Variants in GRP observed in about 807,000 individuals in gnomAD.
GRP encodes gastrin-releasing peptide.
In GRP, 11 loss-of-function variants were observed where a neutral mutation model predicts 12.7. That is an observed-to-expected ratio of 0.87 (90% CI 0.55 to 1.44). GRP has a LOEUF of 1.44. Ranked by LOEUF, GRP falls within the 40% of genes most tolerant of loss-of-function variation. GRP has a pLI of 0.00. For synonymous variants in GRP, 84 were observed against 77.7 expected (o/e 1.08, Z -0.43); for missense variants, 212 against 185.4 (o/e 1.14, Z -0.83).
At chr18:59,223,907 T>C (rs1416116414) in intron 1 of GRP, among the ~76,000 whole-genome samples, 2 of 152,214 alleles carry the variant, frequency 1.3e-5, no homozygotes, top group African/African-American at 2.4e-5. Context: ...GTTAGGATCC[T>C]GAAATTGTGT....
chr18:59,220,642 C>T (rs2069816954), intron 1 of GRP, among the ~76,000 whole-genome samples: 1 of 152,170 alleles, frequency 6.6e-6, no homozygotes, highest in Non-Finnish European at 1.5e-5. Flanking sequence ...GATCCTTTCC[C>T]GCTCGCTTCC....
rs181338643 is a variant in GRP, at chr18:59,224,110, G to T, written c.140-1382G>T. ...ACCTTATCCTTATTTCCAGATCCCA[G>T]AATGATTTTAGCTACCTTATATTCT... On this transcript the variant is annotated intron_variant, in intron 1 of 2. Transcript: ENST00000256857. Among the ~76,000 whole-genome samples the T allele has an allele frequency of 1.4e-3, 216 of 152,234 alleles. 6 individuals carry two copies. Among genetic ancestry groups the T allele is most frequent in the Non-Finnish European group, 1.1e-3 (74 of 68,026 alleles).
At chr18:59,220,508 G>A in intron 1 of GRP, 104 bp downstream of exon 1, 3 of 1,051,788 alleles carry the variant, frequency 2.9e-6, no homozygotes, top group Non-Finnish European at 3.8e-6. Context: ...GCCCAGCTTT[G>A]GGAGCTGGGT....
intron 2 of GRP, among the ~76,000 whole-genome samples, chr18:59,226,768 C>T (rs2069927967): frequency 6.6e-6 from 1 of 152,172 alleles, no homozygotes; most frequent in Non-Finnish European, 1.5e-5. Flanking sequence ...TATTGCTTTC[C>T]ACTCACAGTA....
At chr18:59,222,519 T>C (rs187135617) in intron 1 of GRP, among the ~76,000 whole-genome samples, 8 of 152,306 alleles carry the variant, frequency 5.3e-5, no homozygotes, top group Admixed American at 2.0e-4. Context: ...TACCTTGCGG[T>C]TGAGAAAACG....
intron 1 of GRP, among the ~76,000 whole-genome samples, chr18:59,223,286 T>C (rs2069864452): frequency 6.6e-6 from 1 of 152,210 alleles, no homozygotes; most frequent in Non-Finnish European, 1.5e-5. Context: ...GGGCGTATCA[T>C]CCATGTTGCC....
chr18:59,230,733 G>C lies in GRP; in HGVS notation c.*265G>C, dbSNP rs2070022190. The C allele has an allele frequency of 2.2e-6, 1 of 450,946 alleles. No homozygotes were observed. Among genetic ancestry groups the C allele is most frequent in the Non-Finnish European group, 4.0e-6 (1 of 247,592 alleles). 27.9% of individuals were successfully genotyped at this position (450,946 alleles called of 1,614,324 possible). A position where few individuals can be genotyped will look rare whatever the true frequency, so the allele number is the denominator to read the frequency against. On this transcript the variant is annotated 3_prime_UTR_variant, in exon 3 of 3. Transcript: ENST00000256857. The stretch of plus-strand genomic sequence containing the variant: ...TTGGTTAGATTCAAGGCCCCGAGCT[G>C]TTACCATTCACAATAAAAGCTTAAA...
At chr18:59,223,822 C>T (rs747250130) in intron 1 of GRP, among the ~76,000 whole-genome samples, 4 of 152,140 alleles carry the variant, frequency 2.6e-5, no homozygotes, top group Non-Finnish European at 5.9e-5. Context: ...GCTATCTGAG[C>T]ACCATGTGAC....
intron 1 of GRP, among the ~76,000 whole-genome samples, chr18:59,222,549 C>T (rs996941368): frequency 6.6e-6 from 1 of 152,100 alleles, no homozygotes; most frequent in African/African-American, 2.4e-5. Context: ...AGTAACATGC[C>T]CTCTGTTGGA....
intron 1 of GRP, among the ~76,000 whole-genome samples, chr18:59,222,317 G>A (rs182432132): frequency 1.2e-4 from 19 of 152,266 alleles, no homozygotes; most frequent in African/African-American, 3.4e-4. Context: ...GGTGTCTGCC[G>A]TTTAATTGCC....
At chr18:59,226,188 C>T (rs2069918266) in intron 2 of GRP, among the ~76,000 whole-genome samples, 1 of 152,062 alleles carries the variant, frequency 6.6e-6, no homozygotes, top group Admixed American at 6.6e-5. Context: ...ATATTTGTTC[C>T]AGGAGTACCT....
intron 1 of GRP, among the ~76,000 whole-genome samples, chr18:59,221,928 T>C (rs2069842153): frequency 6.6e-6 from 1 of 152,046 alleles, no homozygotes; most frequent in African/African-American, 2.4e-5. Context: ...CAGTCTGGTG[T>C]GGAGAGGAGA....
upstream of GRP, chr18:59,220,072 T>A (rs1051274374): frequency 1.1e-5 from 5 of 449,038 alleles, no homozygotes; most frequent in Admixed American, 1.7e-4. Context: ...TAGGGAGACG[T>A]CAGAGCGCTC....
intron 2 of GRP, among the ~76,000 whole-genome samples, 181 bp downstream of exon 2, chr18:59,225,915 T>C (rs1248675162): frequency 6.6e-6 from 1 of 152,186 alleles, no homozygotes; most frequent in Non-Finnish European, 1.5e-5. Flanking sequence ...TTTTGACATA[T>C]AGTCAAAAGG....
intron 1 of GRP, among the ~76,000 whole-genome samples, chr18:59,220,930 C>G (rs1169471181): frequency 6.6e-6 from 1 of 152,200 alleles, no homozygotes; most frequent in African/African-American, 2.4e-5. Context: ...GTGCAGCGCT[C>G]CCGCCCCGGG....
upstream of GRP, among the ~76,000 whole-genome samples, chr18:59,219,771 G>A (rs1024129360): frequency 6.6e-6 from 1 of 152,048 alleles, no homozygotes; most frequent in Non-Finnish European, 1.5e-5. Context: ...GAGCTCACCC[G>A]TCTCCAGCTA....
chr18:59,220,052 C>G (rs2069800736), upstream of GRP: 1 of 405,310 alleles, frequency 2.5e-6, no homozygotes, highest in South Asian at 9.8e-5. Flanking sequence ...CCCAGCGCCC[C>G]GGTTAGCTAT....
intron 2 of GRP, among the ~76,000 whole-genome samples, chr18:59,226,992 C>CTTTCTTT (rs2069934242): frequency 1.9e-5 from 2 of 107,856 alleles, no homozygotes; most frequent in Admixed American, 9.5e-5. Flanking sequence ...TTCTTTTCTT[C>CTTTCTTT]CTTTCTTTCT....
intron 1 of GRP, among the ~76,000 whole-genome samples, chr18:59,222,742 A>G (rs2069855602): frequency 6.6e-6 from 1 of 152,260 alleles, no homozygotes; most frequent in African/African-American, 2.4e-5. Context: ...CTTGGTAAGT[A>G]AATTGCTTCT....
Sources: allele counts gnomAD v4.1 joint callset (sites outside exome capture counted in the v4.1 genomes callset), GRCh38; gene constraint gnomAD v4.1.1; transcripts MANE v1.5; gene names NCBI Gene and HGNC (gene_info 2026-07-23, HGNC 2026-07-21).